Variants in PRKG2 observed in about 807,000 individuals in gnomAD.
PRKG2 encodes protein kinase cGMP-dependent 2, also known as cGMP-dependent protein kinase 2.
Under a neutral mutation model 97.2 loss-of-function variants are expected in PRKG2, and 33 were observed. That is an observed-to-expected ratio of 0.34 (90% CI 0.26 to 0.45). PRKG2 has a LOEUF of 0.45. Among genes scored for constraint, PRKG2 ranks in the 20% least tolerant of loss-of-function variants. The pLI, the probability that PRKG2 is intolerant of heterozygous loss-of-function variation, is 1.00. For missense variants in PRKG2, 638 were observed against 900.0 expected (o/e 0.71, Z 3.73); for synonymous variants, 330 against 321.8 (o/e 1.03, Z -0.27).
chr4:81,174,227 T>C (rs948635752), intron 3 of PRKG2, among the ~76,000 whole-genome samples: 5 of 152,098 alleles, frequency 3.3e-5, no homozygotes, highest in Admixed American at 3.3e-4. Context: ...ATTTGTGTGT[T>C]GGTCAAAAGT....
intron 2 of PRKG2, among the ~76,000 whole-genome samples, chr4:81,189,092 A>AAAAAAAAAAAAAT (rs1752225194): frequency 8.6e-6 from 1 of 116,876 alleles, no homozygotes; most frequent in Non-Finnish European, 1.6e-5. Flanking sequence ...AAAAAAAAAA[A>AAAAAAAAAAAAAT]GAAGCTAGCA....
chr4:81,119,040 A>G (rs1744827559), intron 14 of PRKG2, among the ~76,000 whole-genome samples: 1 of 152,126 alleles, frequency 6.6e-6, no homozygotes, highest in Non-Finnish European at 1.5e-5. Context: ...CAAGTGATCC[A>G]CCTAACTTGG....
rs368022943 is a variant in PRKG2 at position 81,144,190 on chromosome 4, C to A, written c.1253+42G>T. On this transcript the variant is annotated intron_variant, in intron 10 of 18. Transcript: ENST00000264399. ...TGTCCCCTTCTTTATTTATTGGCTG[C>A]CAGAAGTCAGCTCCGGCTCAGGAAA... 1.0e-3 allele frequency: 1,582 copies of A among 1,532,428 alleles called. 13 individuals are homozygous for A. The highest frequency in any genetic ancestry group is 8.3e-3 in the South Asian group (734 of 88,876). 94.9% of individuals were successfully genotyped at this position (1,532,428 alleles called of 1,614,324 possible).
chr4:81,140,446 T>A (rs1467981660), intron 12 of PRKG2, 87 bp downstream of exon 12: 1 of 1,208,600 alleles, frequency 8.3e-7, no homozygotes, highest in African/African-American at 1.6e-5. Flanking sequence ...CCACAAAAAT[T>A]AAAAATAAAA....
At position 81,151,059 on chromosome 4, in the gene PRKG2, C is replaced by T. The variant is rs375539635; in HGVS notation, c.1085+901G>A. 9.9e-5 allele frequency among the ~76,000 whole-genome samples: 15 copies of T among 152,134 alleles called. No individual in the cohort carries two copies. In the South Asian group the frequency reaches 3.1e-3, roughly 32 times the overall value. On this transcript the variant is annotated intron_variant, in intron 8 of 18. Coordinates refer to ENST00000264399, the MANE Select transcript of PRKG2 (RefSeq NM_006259.3). ...TTTGTCTTCAGGTAATATCTGAACACTTTTTCTTTGCTCTGTACTTATGTA... is the reference window on the plus strand; with the variant it reads ...TTTGTCTTCAGGTAATATCTGAACATTTTTTCTTTGCTCTGTACTTATGTA...
At chr4:81,132,589 A>C (rs942495048) in intron 14 of PRKG2, among the ~76,000 whole-genome samples, 4 of 152,084 alleles carry the variant, frequency 2.6e-5, no homozygotes, top group African/African-American at 9.7e-5. Context: ...TTTAATGTGG[A>C]TCTCACCCAG....
chr4:81,159,614 T>C (rs1749430091), intron 6 of PRKG2, among the ~76,000 whole-genome samples: 1 of 152,178 alleles, frequency 6.6e-6, no homozygotes, highest in Non-Finnish European at 1.5e-5. Flanking sequence ...ACTGTGTATA[T>C]ACCCAAAGGA....
At chr4:81,121,245 T>TGTA (rs1745040262) in intron 14 of PRKG2, among the ~76,000 whole-genome samples, 1 of 152,174 alleles carries the variant, frequency 6.6e-6, no homozygotes, top group African/African-American at 2.4e-5. Flanking sequence ...GATATTGGTC[T>TGTA]GTAGTTTTTT....
At chr4:81,208,526 A>G (rs935181490) in intron 1 of PRKG2, among the ~76,000 whole-genome samples, 25 of 151,904 alleles carry the variant, frequency 1.6e-4, no homozygotes, top group African/African-American at 6.1e-4. Context: ...GGCTCAAGTG[A>G]CCCTCTTGCC....
At chr4:81,216,801 G>A (rs1356855455), upstream of PRKG2, among the ~76,000 whole-genome samples, 1 of 151,608 alleles carries the variant, frequency 6.6e-6, no homozygotes, top group African/African-American at 2.4e-5. Context: ...TTGTTTCTGA[G>A]TAATTTCACT....
intron 15 of PRKG2, among the ~76,000 whole-genome samples, chr4:81,108,978 T>A (rs2109977639): frequency 6.6e-6 from 1 of 152,268 alleles, no homozygotes. Context: ...AAAACTGACA[T>A]ACATATCTGA....
chr4:81,098,582 A>C (rs1274177136), intron 17 of PRKG2, among the ~76,000 whole-genome samples: 1 of 152,034 alleles, frequency 6.6e-6, no homozygotes, highest in Non-Finnish European at 1.5e-5. Context: ...TTACTTCAAT[A>C]CTTAGAGGCC....
At chr4:81,105,197 T>C (rs942288715) in intron 16 of PRKG2, among the ~76,000 whole-genome samples, 5 of 152,166 alleles carry the variant, frequency 3.3e-5, no homozygotes, top group South Asian at 2.1e-4. Context: ...CTGAGTATAA[T>C]ACATTTTTGT....
chr4:81,187,059 G>C lies in PRKG2; in HGVS notation c.462-12100C>G, dbSNP rs138797082. On this transcript the variant is annotated intron_variant, in intron 2 of 18. Coordinates refer to ENST00000264399, the MANE Select transcript of PRKG2 (RefSeq NM_006259.3). The stretch of plus-strand genomic sequence containing the variant: ...TCTACCAGATATACAAAGAGGAGCT[G>C]ATACCATTCCTTCTGAAACTATTCC... Among the ~76,000 whole-genome samples the C allele has an allele frequency of 3.1e-3, 479 of 152,228 alleles. 4 individuals carry two copies. The highest frequency in any genetic ancestry group is 0.011 in the African/African-American group (446 of 41,540).
At chr4:81,149,126 C>T (rs535497765) in intron 8 of PRKG2, among the ~76,000 whole-genome samples, 174 bp from the exon 9 acceptor site, 2 of 152,092 alleles carry the variant, frequency 1.3e-5, no homozygotes, top group Admixed American at 1.3e-4. Context: ...TTGAAATGTG[C>T]CCCAGTAGAG....
intron 12 of PRKG2, among the ~76,000 whole-genome samples, chr4:81,139,594 C>T (rs1159235754): frequency 6.7e-6 from 1 of 150,002 alleles, no homozygotes; most frequent in African/African-American, 2.5e-5. Context: ...GGTGAAACCC[C>T]GTCTCTACTA....
chr4:81,118,324 A>G (rs1744751747), intron 14 of PRKG2, among the ~76,000 whole-genome samples: 1 of 152,246 alleles, frequency 6.6e-6, no homozygotes, highest in Admixed American at 6.5e-5. Flanking sequence ...TTGTGTAAAC[A>G]GAAGTTTTCA....
intron 16 of PRKG2, among the ~76,000 whole-genome samples, chr4:81,105,206 G>A (rs574866946): frequency 6.6e-6 from 1 of 152,190 alleles, no homozygotes; most frequent in Admixed American, 6.5e-5. Context: ...ATACATTTTT[G>A]TTAAGTATTC....
intron 18 of PRKG2, 37 bp from the exon 19 acceptor site, chr4:81,089,840 T>A: frequency 6.6e-7 from 1 of 1,511,862 alleles, no homozygotes; most frequent in East Asian, 2.3e-5. Context: ...GGAAGAATAA[T>A]GTTGACCAAG....
Sources: allele counts gnomAD v4.1 joint callset (sites outside exome capture counted in the v4.1 genomes callset), GRCh38; gene constraint gnomAD v4.1.1; transcripts MANE v1.5; gene names NCBI Gene and HGNC (gene_info 2026-07-23, HGNC 2026-07-21).